Variants in DCC observed in about 807,000 individuals in gnomAD.
The protein encoded by DCC is DCC netrin 1 receptor.
DCC carries 58 observed loss-of-function variants against 172.5 expected under a neutral mutation model. That is an observed-to-expected ratio of 0.34 (90% CI 0.27 to 0.42). The LOEUF is 0.42. Among genes scored for constraint, DCC ranks in the 10% least tolerant of loss-of-function variants. DCC has a pLI of 1.00. For synonymous variants in DCC, 709 were observed against 644.5 expected, an observed-to-expected ratio of 1.10 and a Z score of -1.52; for missense variants, 1,740 against 1,791.0, an observed-to-expected ratio of 0.97 and a Z score of 0.51.
chr18:53,063,761 G>A, intron 6 of DCC: 1 of 342,520 alleles, frequency 2.9e-6, no homozygotes, highest in South Asian at 2.7e-5. Flanking sequence ...TTTCACTGCT[G>A]GTTTATCAAA....
intron 1 of DCC, among the ~76,000 whole-genome samples, chr18:52,673,027 C>T (rs1467169980): frequency 1.3e-5 from 2 of 152,268 alleles, no homozygotes; most frequent in Non-Finnish European, 2.9e-5. Flanking sequence ...TGCTCCACTG[C>T]ACTCTAGCCT....
At chr18:53,339,652 T>C (rs1402527480) in intron 14 of DCC, 61 bp from the exon 15 acceptor site, 61 of 1,280,540 alleles carry the variant, frequency 4.8e-5, no homozygotes, top group Non-Finnish European at 6.4e-5. Flanking sequence ...TTAAATGGTG[T>C]TCTGCCGTGC....
intron 1 of DCC, among the ~76,000 whole-genome samples, chr18:52,620,337 A>G (rs2034456169): frequency 6.6e-6 from 1 of 152,188 alleles, no homozygotes; most frequent in South Asian, 2.1e-4. Context: ...GAGATTCACT[A>G]GTTGAAATTC....
At chr18:53,530,284 T>C (rs1361462523) in intron 28 of DCC, 2 of 701,418 alleles carry the variant, frequency 2.9e-6, no homozygotes, top group African/African-American at 3.5e-5. Context: ...ACACAGCTAA[T>C]AATTGGGAGA....
intron 8 of DCC, among the ~76,000 whole-genome samples, chr18:53,177,806 A>G (rs182745279): frequency 1.3e-5 from 2 of 152,324 alleles, no homozygotes; most frequent in Admixed American, 6.5e-5. Context: ...GGTCTAGTAC[A>G]TGAAGCAGAA....
intron 5 of DCC, among the ~76,000 whole-genome samples, chr18:52,966,206 G>A: frequency 6.6e-6 from 1 of 152,056 alleles, no homozygotes. Flanking sequence ...TTGAGCAGGG[G>A]GTTATGGCAT....
intron 1 of DCC, among the ~76,000 whole-genome samples, chr18:52,549,252 C>G (rs930862034): frequency 3.9e-5 from 6 of 151,948 alleles, no homozygotes; most frequent in African/African-American, 1.4e-4. Context: ...CATCTCATTC[C>G]TGATGTGACA....
At chr18:53,443,002 T>C (rs982170122) in intron 22 of DCC, among the ~76,000 whole-genome samples, 1 of 152,128 alleles carries the variant, frequency 6.6e-6, no homozygotes, top group Non-Finnish European at 1.5e-5. Context: ...AGAAGCCGTC[T>C]CTATAACAGA....
intron 1 of DCC, among the ~76,000 whole-genome samples, chr18:52,610,398 A>AAAAAAAAAAG (rs2034252180): frequency 7.1e-6 from 1 of 141,670 alleles, no homozygotes; most frequent in African/African-American, 2.6e-5. Flanking sequence ...AAAAAAAAAA[A>AAAAAAAAAAG]AAAAAAAAAG....
At chr18:52,633,068 C>T (rs550466514) in intron 1 of DCC, among the ~76,000 whole-genome samples, 1 of 152,066 alleles carries the variant, frequency 6.6e-6, no homozygotes, top group African/African-American at 2.4e-5. Context: ...GACATAAAGA[C>T]CTAAAATTTC....
intron 5 of DCC, among the ~76,000 whole-genome samples, chr18:53,035,160 CTGTG>C (rs56806063): frequency 4.7e-5 from 7 of 149,016 alleles, no homozygotes; most frequent in Admixed American, 1.3e-4. Context: ...AAACATTTAT[CTGTG>C]TGTGTGTGTG....
intron 27 of DCC, among the ~76,000 whole-genome samples, chr18:53,516,392 A>G (rs1204900760): frequency 6.8e-6 from 1 of 146,264 alleles, no homozygotes; most frequent in Non-Finnish European, 1.5e-5. Flanking sequence ...AGGCATGGGC[A>G]AGGACTTCAT....
Position 53,241,357 on chromosome 18 carries a change from G to A in DCC, c.1911+25760G>A, listed in dbSNP as rs530057441. ...TGAACTGCAATTGTACAAGGAAGAG[G>A]TTAACCAGAGAACACACCCATTCTC... On this transcript the variant is annotated intron_variant, in intron 12 of 28. Coordinates refer to ENST00000442544, the MANE Select transcript of DCC (RefSeq NM_005215.4). 6.6e-5 allele frequency among the ~76,000 whole-genome samples: 10 copies of A among 152,228 alleles called. No individual in the cohort carries two copies. The East Asian group carries it at 1.9e-3, about 30-fold the overall frequency.
chr18:52,475,076 A>G (rs1031860534), intron 1 of DCC, among the ~76,000 whole-genome samples: 1 of 152,152 alleles, frequency 6.6e-6, no homozygotes, highest in Non-Finnish European at 1.5e-5. Context: ...TCCTACCCCC[A>G]CATTGACAAG....
At chr18:53,012,211 A>T in intron 5 of DCC, among the ~76,000 whole-genome samples, 1 of 151,990 alleles carries the variant, frequency 6.6e-6, no homozygotes, top group African/African-American at 2.4e-5. Flanking sequence ...ATACAAGTGC[A>T]TCGGTATATA....
rs1173914903 is a variant in DCC at position 53,011,350 on chromosome 18, GA to G, written c.986-51949del. ...GTATTTTATTATTTAAAACACTTTT[GA>G]AAAAATATAACCCCATATTTTTTAG... On this transcript the variant is annotated intron_variant, in intron 5 of 28. Transcript: ENST00000442544. 1.2e-4 allele frequency among the ~76,000 whole-genome samples: 18 copies of G among 151,398 alleles called. 1 individual carries two copies. The South Asian group carries it at 2.5e-3, about 21-fold the overall frequency.
intron 1 of DCC, among the ~76,000 whole-genome samples, chr18:52,607,503 C>G (rs1483726510): frequency 6.6e-6 from 1 of 152,138 alleles, no homozygotes; most frequent in Non-Finnish European, 1.5e-5. Flanking sequence ...AAAATGCTAT[C>G]TATTTGACTG....
chr18:53,116,403 C>A (rs186451710), intron 7 of DCC, among the ~76,000 whole-genome samples: 3 of 151,646 alleles, frequency 2.0e-5, no homozygotes, highest in Non-Finnish European at 3.0e-5. Context: ...AGTTGGCCTG[C>A]GCCCTATGGA....
rs61105900 is a variant in DCC, at chr18:52,662,912, A to G, written c.92-89142A>G. The stretch of plus-strand genomic sequence containing the variant: ...CAACTCACTGGGTTTATTTTATAAG[A>G]GCACTGGTCCCATTCATGAGGGCTC... On this transcript the variant is annotated intron_variant, in intron 1 of 28. Transcript: ENST00000442544. Among the ~76,000 whole-genome samples the G allele has an allele frequency of 8.7e-4, 132 of 152,186 alleles. 3 individuals are homozygous for G. The East Asian group carries it at 0.021, about 24-fold the overall frequency.
Sources: gnomAD v4.1 joint callset for allele counts (sites outside exome capture counted in the v4.1 genomes callset) on GRCh38, gnomAD v4.1.1 for gene constraint, MANE v1.5 for transcripts, NCBI Gene and HGNC (gene_info 2026-07-23, HGNC 2026-07-21) for gene names.